ANKRD30A: variants seen among roughly 807,000 people sequenced by gnomAD.
The protein encoded by ANKRD30A is ankyrin repeat domain 30A, also known as ankyrin repeat domain-containing protein 30A.
ANKRD30A carries 170 observed loss-of-function variants against 166.3 expected under a neutral mutation model. That is an observed-to-expected ratio of 1.02 (90% CI 0.90 to 1.16). The LOEUF is 1.16. Ranked by LOEUF, ANKRD30A falls within the 50% of genes most tolerant of loss-of-function variation. The probability of loss-of-function intolerance (pLI) is 0.00; values close to 1 mark genes in which losing one functional copy is unlikely to be tolerated. For synonymous variants in ANKRD30A, 564 were observed against 508.9 expected (o/e 1.11, Z -1.46); for missense variants, 1,630 against 1,518.0 (o/e 1.07, Z -1.23).
At chr10:37,134,393 CT>C (rs1227346746) in intron 5 of ANKRD30A, among the ~76,000 whole-genome samples, 1 of 152,130 alleles carries the variant, frequency 6.6e-6, no homozygotes, top group Non-Finnish European at 1.5e-5. Flanking sequence ...GGAAGACATT[CT>C]TTTTGTGTAA....
chr10:37,226,953 T>C (rs184155586), intron 34 of ANKRD30A, among the ~76,000 whole-genome samples: 2 of 152,024 alleles, frequency 1.3e-5, no homozygotes, highest in Admixed American at 1.3e-4. Flanking sequence ...ATCTTAGCCA[T>C]GTGTATATCT....
In ANKRD30A at chr10:37,165,105, C is replaced by A; in HGVS notation, c.2014C>A (p.Pro672Thr). The change falls in exon 18 of 36, where the codon CCA becomes ACA. Residue 672 changes from proline to threonine, a missense_variant. Pro to Thr is a conservative substitution (Grantham distance 38). This residue lies in a region of ANKRD30A where 904 missense variants were observed against 818.5 expected (regional missense o/e 1.10). Transcript: ENST00000361713. ...TTAACCTTTTATAGATGAGATACTC[C>A]CATCAGAATCCAAACAAAAGGACTA... is the stretch of plus-strand genomic sequence containing the variant. ...EQTLRADEIL[P>T]SESKQKDYEE... 1 of 1,608,398 alleles carries A rather than the reference C, an allele frequency of 6.2e-7. No homozygotes were observed. The highest frequency in any genetic ancestry group is 8.5e-7 in the Non-Finnish European group (1 of 1,175,394).
the ANKRD30A span, among the ~76,000 whole-genome samples, chr10:37,243,441 G>A: frequency 7.2e-5 from 11 of 151,916 alleles, no homozygotes; most frequent in Admixed American, 7.2e-4. Flanking sequence ...ACCGTGCCCG[G>A]CGTCCAAATT....
At chr10:37,183,502 T>C (rs1840176665) in intron 24 of ANKRD30A, among the ~76,000 whole-genome samples, 1 of 146,934 alleles carries the variant, frequency 6.8e-6, no homozygotes, top group South Asian at 2.2e-4. Flanking sequence ...TTTCTCTCTT[T>C]TTCTTTTTTA....
In ANKRD30A at chr10:37,153,860, A is replaced by T. The variant is rs563247901; in HGVS notation, c.1798+198A>T. Among the ~76,000 whole-genome samples, 24 of 152,258 alleles carry T rather than the reference A, an allele frequency of 1.6e-4. No homozygotes were observed. In the South Asian group the frequency reaches 4.8e-3, roughly 30 times the overall value. ...TATTGAGAGTGCTGAAAAGGAGCTG[A>T]ATTATTAGTTTGAATTCAAGATATT... is the stretch of plus-strand genomic sequence containing the variant. On this transcript the variant is annotated intron_variant, in intron 13 of 35. Transcript: ENST00000361713.
chr10:37,184,367 TA>T (rs1168112361), intron 24 of ANKRD30A: 6 of 64,650 alleles, frequency 9.3e-5, no homozygotes, highest in Non-Finnish European at 1.8e-4. Context: ...TTTTTTTTTT[TA>T]GTAGAAGCAT....
rs576378051 is a variant in ANKRD30A at position 37,125,766 on chromosome 10, T to A, written c.-22T>A. 7.2e-5 allele frequency: 44 copies of A among 609,536 alleles called. No homozygotes were observed. In the South Asian group the frequency reaches 8.0e-4, roughly 11 times the overall value. The allele number at this position is 609,536 out of a possible 1,614,324, so 37.8% of individuals were successfully genotyped here. A position where few individuals can be genotyped will look rare whatever the true frequency, so the allele number is the denominator to read the frequency against. Reference sequence around the variant, plus strand: ...AAGGGCGATCGGGAGGCGCGGGCACTCTCTAGCAGGTGGCCGCAGCCATGG... The same window carrying A: ...AAGGGCGATCGGGAGGCGCGGGCACACTCTAGCAGGTGGCCGCAGCCATGG... On this transcript the variant is annotated 5_prime_UTR_variant, in exon 1 of 36. Coordinates refer to ENST00000361713, the MANE Select transcript of ANKRD30A (RefSeq NM_052997.3).
chr10:37,138,668 G>C lies in ANKRD30A; in HGVS notation c.820+1997G>C, dbSNP rs1244918538. 3.3e-5 allele frequency among the ~76,000 whole-genome samples: 5 copies of C among 152,190 alleles called. No homozygotes were observed. In the East Asian group the frequency reaches 9.6e-4, roughly 29 times the overall value. On this transcript the variant is annotated intron_variant, in intron 6 of 35. Coordinates refer to ENST00000361713, the MANE Select transcript of ANKRD30A (RefSeq NM_052997.3). ...TGAATGAAATGAAGTGAGAAGAGAA[G>C]TTTAGAGGAAAAAGAATAAAAAGAA...
the ANKRD30A span, among the ~76,000 whole-genome samples, chr10:37,247,896 A>T: frequency 2.6e-5 from 4 of 151,616 alleles, no homozygotes; most frequent in Admixed American, 1.3e-4. Context: ...AAAAAAAAAA[A>T]AAGAAAAAAT....
Position 37,142,251 on chromosome 10 carries a change from T to C in ANKRD30A, c.1354T>C (p.Cys452Arg). ...AAAAGGAAGATCTAAGATGATTGCA[T>C]GTCCTACAAAAGAATCATCTACAAA... ...LEKGRSKMIA[C>R]PTKESSTKAS... is the part of the protein sequence containing the mutation. The change falls in exon 7 of 36, where the codon TGT becomes CGT. Residue 452 changes from cysteine (C) to arginine (R), a missense_variant. Transcript: ENST00000361713. 1 of 1,601,776 alleles carries C rather than the reference T, an allele frequency of 6.2e-7. No homozygotes were observed. The highest frequency in any genetic ancestry group is 8.5e-7 in the Non-Finnish European group (1 of 1,177,066).
At position 37,231,680 on chromosome 10, in the gene ANKRD30A, G is replaced by A. The variant is rs192409608; in HGVS notation, c.*211G>A. 10 of 364,914 alleles carry A rather than the reference G, an allele frequency of 2.7e-5. No individual in the cohort carries two copies. The highest frequency in any genetic ancestry group is 1.2e-4 in the South Asian group (1 of 8,294). 22.6% of individuals were successfully genotyped at this position (364,914 alleles called of 1,614,324 possible). ...ACAGTGTGAAGAATTACTTGTTCACGGTTAGTTATATTATCTGTCTTCCTT... is the reference window on the plus strand; with the variant it reads ...ACAGTGTGAAGAATTACTTGTTCACAGTTAGTTATATTATCTGTCTTCCTT... On this transcript the variant is annotated splice_region_variant and 3_prime_UTR_variant, in exon 35 of 36. Transcript: ENST00000361713.
chr10:37,152,192 G>C, intron 12 of ANKRD30A, 71 bp downstream of exon 12: 4 of 1,323,398 alleles, frequency 3.0e-6, no homozygotes, highest in Non-Finnish European at 4.2e-6. Context: ...CAGAGGCTTA[G>C]GCTTTATTTT....
intron 25 of ANKRD30A, among the ~76,000 whole-genome samples, chr10:37,192,293 C>T (rs1840653386): frequency 6.6e-6 from 1 of 151,938 alleles, no homozygotes; most frequent in African/African-American, 2.4e-5. Context: ...ATCCGCCCTC[C>T]TCGGCCTTCC....
downstream of ANKRD30A, among the ~76,000 whole-genome samples, chr10:37,235,713 A>T (rs1456384399): frequency 7.0e-6 from 1 of 142,672 alleles, no homozygotes; most frequent in East Asian, 2.1e-4. Flanking sequence ...AATAGTGAAT[A>T]TTGTATTTGT....
At chr10:37,253,346 T>A in the ANKRD30A span, among the ~76,000 whole-genome samples, 1 of 152,208 alleles carries the variant, frequency 6.6e-6, no homozygotes, top group Non-Finnish European at 1.5e-5. Context: ...TTTATTGAGA[T>A]ACAACATATA....
intron 34 of ANKRD30A, 61 bp from the exon 35 acceptor site, chr10:37,231,400 C>A (rs1843407360): frequency 7.0e-7 from 1 of 1,418,560 alleles, no homozygotes; most frequent in South Asian, 1.3e-5. Flanking sequence ...AATACAAGTC[C>A]TTTTCTAATT....
intron 34 of ANKRD30A, among the ~76,000 whole-genome samples, chr10:37,231,220 C>T (rs188132455): frequency 1.1e-3 from 159 of 150,536 alleles, no homozygotes; most frequent in Non-Finnish European, 1.8e-3. Context: ...ATAGTCATGG[C>T]GGCAAAAAAA....
intron 5 of ANKRD30A, among the ~76,000 whole-genome samples, chr10:37,134,660 G>T (rs1300465778): frequency 1.3e-5 from 2 of 152,128 alleles, no homozygotes; most frequent in Non-Finnish European, 2.9e-5. Flanking sequence ...CCCTGCTCTG[G>T]CAGCTAGAAC....
At chr10:37,254,686 T>C in the ANKRD30A span, among the ~76,000 whole-genome samples, 1 of 143,722 alleles carries the variant, frequency 7.0e-6, no homozygotes, top group Middle Eastern at 3.6e-3. Context: ...TTCTTTTCTT[T>C]TTTTTTTTTT....
Sources: allele counts gnomAD v4.1 joint callset (sites outside exome capture counted in the v4.1 genomes callset), GRCh38; gene constraint gnomAD v4.1.1; regional missense constraint gnomAD v4.1.1; transcripts MANE v1.5; gene names NCBI Gene and HGNC (gene_info 2026-07-23, HGNC 2026-07-21).